SLC39A10: variants seen among roughly 807,000 people sequenced by gnomAD.
SLC39A10 encodes solute carrier family 39 member 10.
Under a neutral mutation model 65.1 loss-of-function variants are expected in SLC39A10, and 13 were observed. That is an observed-to-expected ratio of 0.20 (90% confidence interval 0.13 to 0.32). SLC39A10 has a LOEUF of 0.32. SLC39A10 is among the 10% of genes least tolerant of loss of function. The pLI is 1.00. For synonymous variants in SLC39A10, 321 were observed against 342.2 expected (o/e 0.94, Z 0.68); for missense variants, 831 against 1,018.4 (o/e 0.82, Z 2.50).
At chr2:195,678,592 T>G (rs1211468928) in intron 1 of SLC39A10, among the ~76,000 whole-genome samples, 3 of 151,232 alleles carry the variant, frequency 2.0e-5, no homozygotes, top group Non-Finnish European at 4.4e-5. Context: ...TGTCTCTTGA[T>G]GAAACATAAA....
intron 2 of SLC39A10, among the ~76,000 whole-genome samples, chr2:195,628,913 A>T (rs188008954): frequency 6.6e-6 from 1 of 152,354 alleles, no homozygotes; most frequent in Admixed American, 6.5e-5. Context: ...CTTGACCTGC[A>T]TAGTCCATTA....
chr2:195,642,934 G>A (rs979871651), intron 2 of SLC39A10, among the ~76,000 whole-genome samples: 1 of 152,182 alleles, frequency 6.6e-6, no homozygotes, highest in African/African-American at 2.4e-5. Context: ...CAAAAGTCCT[G>A]TCTGCTATTA....
At chr2:195,676,076 T>A (rs1248342752) in intron 1 of SLC39A10, among the ~76,000 whole-genome samples, 2 of 152,144 alleles carry the variant, frequency 1.3e-5, no homozygotes, top group African/African-American at 2.4e-5. Context: ...GGAGTTTTTT[T>A]ATTACTATAT....
intron 8 of SLC39A10, among the ~76,000 whole-genome samples, chr2:195,721,423 T>C (rs1409519592): frequency 1.3e-5 from 2 of 152,232 alleles, no homozygotes; most frequent in African/African-American, 2.4e-5. Flanking sequence ...CAAATACTTC[T>C]ATTCCTAGTT....
intron 2 of SLC39A10, among the ~76,000 whole-genome samples, chr2:195,620,719 G>C (rs1688331932): frequency 6.6e-6 from 1 of 152,126 alleles, no homozygotes; most frequent in Non-Finnish European, 1.5e-5. Context: ...TTCATTCATT[G>C]AATAACTATT....
At chr2:195,617,740 T>TTTTATTTTATTTTATTTTAC (rs1688251028) in intron 2 of SLC39A10, among the ~76,000 whole-genome samples, 2 of 149,538 alleles carry the variant, frequency 1.3e-5, no homozygotes, top group Non-Finnish European at 3.0e-5. Context: ...TTTTATTTTA[T>TTTTATTTTATTTTATTTTAC]TTTACTTTAT....
At chr2:195,734,825 A>T in intron 9 of SLC39A10, 58 bp from the exon 10 acceptor site, 4 of 1,478,884 alleles carry the variant, frequency 2.7e-6, no homozygotes, top group Non-Finnish European at 3.6e-6. Flanking sequence ...AATGTTTTTA[A>T]AAACTGTTTT....
At chr2:195,629,033 C>T (rs1333758984) in intron 2 of SLC39A10, among the ~76,000 whole-genome samples, 2 of 152,162 alleles carry the variant, frequency 1.3e-5, no homozygotes, top group African/African-American at 4.8e-5. Context: ...TGCCCCTCCT[C>T]CAAATTTCTC....
rs59136740 is a variant in SLC39A10, at chr2:195,681,003, A to G, written c.961A>G (p.Ile321Val). Residue 321 changes from isoleucine to valine, a missense_variant, in exon 2 of 10, where the codon ATA becomes GTA. Coordinates refer to ENST00000359634, the MANE Select transcript of SLC39A10 (RefSeq NM_020342.3). ...REAPHVKNNA[I>V]ISLRKDLNED... is the part of the protein sequence containing the mutation. ...AGCACCACATGTTAAAAATAATGCA[A>G]TAATTTCTTTGAGAAAAGATCTAAA... 1.7e-4 allele frequency: 277 copies of G among 1,613,032 alleles called. 1 individual carries two copies. The African/African-American group carries it at 3.3e-3, about 19-fold the overall frequency.
At chr2:195,647,795 C>A (rs1440024851) in intron 2 of SLC39A10, among the ~76,000 whole-genome samples, 1 of 151,924 alleles carries the variant, frequency 6.6e-6, no homozygotes, top group African/African-American at 2.4e-5. Context: ...GAGTGGCTTG[C>A]ACACAATAAA....
intron 3 of SLC39A10, among the ~76,000 whole-genome samples, chr2:195,697,775 CTT>C (rs1691023487): frequency 6.6e-6 from 1 of 152,144 alleles, no homozygotes; most frequent in African/African-American, 2.4e-5. Context: ...TGAATAAACA[CTT>C]TTCAATAAAA....
At chr2:195,708,585 T>G in intron 4 of SLC39A10, 71 bp from the exon 5 acceptor site, 1 of 1,151,928 alleles carries the variant, frequency 8.7e-7, no homozygotes, top group Non-Finnish European at 1.2e-6. Flanking sequence ...AGATTATAAT[T>G]ATTATAATTT....
chr2:195,633,873 G>A (rs1688644928), intron 2 of SLC39A10, among the ~76,000 whole-genome samples: 1 of 152,126 alleles, frequency 6.6e-6, no homozygotes, highest in South Asian at 2.1e-4. Flanking sequence ...GCCATGGGTG[G>A]GAAAACAGAG....
intron 2 of SLC39A10, among the ~76,000 whole-genome samples, chr2:195,630,423 C>T (rs1045823490): frequency 3.9e-5 from 6 of 152,246 alleles, no homozygotes; most frequent in South Asian, 4.1e-4. Flanking sequence ...CCAAGTATTC[C>T]GCTATTCGGA....
intron 2 of SLC39A10, among the ~76,000 whole-genome samples, chr2:195,649,333 T>C (rs6756935): frequency 0.79 from 120,528 of 152,208 alleles, 48,504 homozygotes; most frequent in South Asian, 0.88. Context: ...ATTCATTTCT[T>C]GCCTTCCCTA....
intron 3 of SLC39A10, among the ~76,000 whole-genome samples, chr2:195,696,540 A>AT (rs1412498605): frequency 6.6e-6 from 1 of 152,080 alleles, no homozygotes; most frequent in Admixed American, 6.5e-5. Context: ...CAATACAACT[A>AT]TTTGCATAGC....
intron 1 of SLC39A10, among the ~76,000 whole-genome samples, chr2:195,676,147 A>C (rs577351500): frequency 7.2e-5 from 11 of 151,858 alleles, no homozygotes; most frequent in African/African-American, 2.7e-4. Flanking sequence ...ACACATTGCA[A>C]ATATCTTCTA....
chr2:195,684,029 T>G, intron 3 of SLC39A10, 123 bp downstream of exon 3: 1 of 743,784 alleles, frequency 1.3e-6, no homozygotes, highest in Non-Finnish European at 2.1e-6. Context: ...TTTAAATATA[T>G]TTTAATCAGG....
At chr2:195,618,010 A>G (rs1444689323) in intron 2 of SLC39A10, among the ~76,000 whole-genome samples, 1 of 146,724 alleles carries the variant, frequency 6.8e-6, no homozygotes, top group Non-Finnish European at 1.5e-5. Context: ...AAGTGCTGGG[A>G]TTACAGGCGT....
Sources: allele counts gnomAD v4.1 joint callset (sites outside exome capture counted in the v4.1 genomes callset), GRCh38; gene constraint gnomAD v4.1.1; transcripts MANE v1.5; gene names NCBI Gene and HGNC (gene_info 2026-07-23, HGNC 2026-07-21).